The following NUP93 variants were observed in gnomAD, a reference collection of about 807,000 sequenced individuals.
The protein encoded by NUP93 is nucleoporin 93.
NUP93 carries 55 observed loss-of-function variants against 107.8 expected under a neutral mutation model. The observed-to-expected ratio is 0.51, with a 90% CI of 0.41 to 0.64. The LOEUF (loss-of-function observed/expected upper bound fraction) is 0.64. Ranked by LOEUF, NUP93 falls within the 30% of genes least tolerant of loss-of-function variation. NUP93 has a pLI of 0.00. For synonymous variants in NUP93, 390 were observed against 397.5 expected, an observed-to-expected ratio of 0.98 and a Z score of 0.22; for missense variants, 937 against 1,044.7, an observed-to-expected ratio of 0.90 and a Z score of 1.42.
intron 1 of NUP93, among the ~76,000 whole-genome samples, chr16:56,744,971 C>T (rs1597102694): frequency 6.6e-6 from 1 of 152,134 alleles, no homozygotes; most frequent in East Asian, 1.9e-4. Flanking sequence ...CCTATTCATT[C>T]AAAAAATGAG....
chr16:56,826,717 G>A (rs142991907), intron 8 of NUP93, among the ~76,000 whole-genome samples: 79 of 151,746 alleles, frequency 5.2e-4, no homozygotes, highest in Non-Finnish European at 9.7e-4. Context: ...TTTTCCCCCC[G>A]TTCTTGACGT....
chr16:56,769,240 T>C (rs772570284), intron 3 of NUP93, among the ~76,000 whole-genome samples: 1 of 152,178 alleles, frequency 6.6e-6, no homozygotes, highest in African/African-American at 2.4e-5. Context: ...AGAAGTATAA[T>C]TGATCATTCA....
chr16:56,760,817 G>A (rs961941192), intron 3 of NUP93, among the ~76,000 whole-genome samples: 2 of 152,018 alleles, frequency 1.3e-5, no homozygotes, highest in Non-Finnish European at 2.9e-5. Context: ...GCATGGTGGC[G>A]CACTCCTGTA....
chr16:56,783,983 GAGGTTCTGCGTT>G (rs1324356491), intron 3 of NUP93: 1 of 725,506 alleles, frequency 1.4e-6, no homozygotes, highest in African/African-American at 1.9e-5. Context: ...GTGTAACGCA[GAGGTTCTGCGTT>G]ACACTGGATT....
chr16:56,818,580 A>G (rs1456816924), intron 5 of NUP93, 84 bp from the exon 6 acceptor site: 13 of 1,096,254 alleles, frequency 1.2e-5, no homozygotes, highest in Non-Finnish European at 1.8e-5. Flanking sequence ...TGTTAAAGAC[A>G]AGAATATGTT....
chr16:56,814,775 T>C (rs1963386439), intron 5 of NUP93, among the ~76,000 whole-genome samples: 1 of 152,192 alleles, frequency 6.6e-6, no homozygotes, highest in African/African-American at 2.4e-5. Flanking sequence ...CCCTGTTGTC[T>C]TCCCTGCTCT....
At chr16:56,823,128 AC>A (rs1449400676) in intron 7 of NUP93, among the ~76,000 whole-genome samples, 1 of 152,122 alleles carries the variant, frequency 6.6e-6, no homozygotes. Context: ...AGGAAAGAAC[AC>A]CCGCTCCTTT....
intron 21 of NUP93, among the ~76,000 whole-genome samples, chr16:56,842,105 A>G (rs566466311): frequency 1.3e-5 from 2 of 152,378 alleles, no homozygotes; most frequent in Non-Finnish European, 2.9e-5. Context: ...AGTTGACTCC[A>G]TAAGAACTTC....
In NUP93 at chr16:56,738,643, CAAT is replaced by C. The variant is rs113799703; in HGVS notation, c.-15+8433_-15+8435del. On this transcript the variant is annotated intron_variant, in intron 1 of 21. Transcript: ENST00000308159. The stretch of plus-strand genomic sequence containing the variant: ...CTCTCTCTTCCAGAGGCATCTGAAA[CAAT>C]GATGTCTGTCAAGATTTAATTTTTT... 9.1e-3 allele frequency among the ~76,000 whole-genome samples: 1,383 copies of C among 152,166 alleles called. 18 individuals are homozygous for C. Among genetic ancestry groups the C allele is most frequent in the African/African-American group, 0.031 (1,299 of 41,496 alleles).
chr16:56,764,008 A>G (rs1962175714), intron 3 of NUP93, among the ~76,000 whole-genome samples: 1 of 152,246 alleles, frequency 6.6e-6, no homozygotes, highest in African/African-American at 2.4e-5. Context: ...TGAACTATAT[A>G]TCATATGTAA....
At chr16:56,808,141 T>C (rs369418319) in intron 5 of NUP93, among the ~76,000 whole-genome samples, 8 of 111,878 alleles carry the variant, frequency 7.2e-5, no homozygotes, top group Middle Eastern at 5.2e-3. Flanking sequence ...AATATATTTA[T>C]ATAACTATAT....
At chr16:56,803,753 T>A (rs1012042758) in intron 4 of NUP93, among the ~76,000 whole-genome samples, 1 of 147,948 alleles carries the variant, frequency 6.8e-6, no homozygotes, top group Non-Finnish European at 1.5e-5. Context: ...GAAAAATATA[T>A]ATATATATAT....
intron 2 of NUP93, among the ~76,000 whole-genome samples, chr16:56,756,578 A>G (rs1224814012): frequency 6.6e-6 from 1 of 152,070 alleles, no homozygotes; most frequent in African/African-American, 2.4e-5. Context: ...AGTCTTTGCT[A>G]TTGTAAATAG....
At chr16:56,784,757 G>C (rs530510293) in intron 3 of NUP93, among the ~76,000 whole-genome samples, 1 of 152,288 alleles carries the variant, frequency 6.6e-6, no homozygotes, top group Non-Finnish European at 1.5e-5. Context: ...TCACAGAACT[G>C]GGTATCTGAA....
At chr16:56,791,866 A>G (rs1319859476) in intron 3 of NUP93, among the ~76,000 whole-genome samples, 3 of 152,250 alleles carry the variant, frequency 2.0e-5, no homozygotes, top group Non-Finnish European at 4.4e-5. Flanking sequence ...TAATAGTAGC[A>G]CTATTTTGGA....
chr16:56,830,519 C>A lies in NUP93; in HGVS notation c.928-9C>A. The stretch of plus-strand genomic sequence containing the variant: ...GTTTATTTTGAGCACTTAACTGTTC[C>A]TCTTTTAGGATGGAGAGGTGGAAGG... On this transcript the variant is annotated splice_polypyrimidine_tract_variant and intron_variant, in intron 9 of 21. Transcript: ENST00000308159. 1 of 1,559,344 alleles carries A rather than the reference C, an allele frequency of 6.4e-7. No individual in the cohort carries two copies. Among genetic ancestry groups the A allele is most frequent in the South Asian group, 1.2e-5 (1 of 85,932 alleles).
chr16:56,830,343 C>G (rs537518415), intron 9 of NUP93, among the ~76,000 whole-genome samples, 185 bp from the exon 10 acceptor site: 2 of 152,314 alleles, frequency 1.3e-5, no homozygotes, highest in South Asian at 4.1e-4. Context: ...TGACTTAACC[C>G]CTCCATGCCT....
At chr16:56,777,917 G>A (rs1383553789) in intron 3 of NUP93, among the ~76,000 whole-genome samples, 2 of 152,232 alleles carry the variant, frequency 1.3e-5, no homozygotes, top group Non-Finnish European at 2.9e-5. Context: ...TACCTGGGCA[G>A]GGCCTAGTAG....
chr16:56,772,084 C>T (rs1379777551), intron 3 of NUP93, among the ~76,000 whole-genome samples: 4 of 151,916 alleles, frequency 2.6e-5, no homozygotes, highest in Non-Finnish European at 5.9e-5. Context: ...TCTTTGCATC[C>T]CTCTCTCTGC....
Sources: allele counts gnomAD v4.1 joint callset (sites outside exome capture counted in the v4.1 genomes callset), GRCh38; gene constraint gnomAD v4.1.1; transcripts MANE v1.5; gene names NCBI Gene and HGNC (gene_info 2026-07-23, HGNC 2026-07-21).